The following AOAH variants were observed in gnomAD, a reference collection of about 807,000 sequenced individuals.
AOAH encodes the protein acyloxyacyl hydrolase (neutrophil).
AOAH carries 64 observed loss-of-function variants against 92.2 expected under a neutral mutation model. That is an observed-to-expected ratio of 0.69 (90% CI 0.57 to 0.86). The LOEUF (loss-of-function observed/expected upper bound fraction) is 0.86. AOAH is among the 40% of genes least tolerant of loss of function. The pLI is 0.00. For missense variants in AOAH, 656 were observed against 694.6 expected (o/e 0.94, Z 0.62); for synonymous variants, 263 against 254.5 (o/e 1.03, Z -0.32).
chr7:36,621,755 C>T lies in AOAH; in HGVS notation c.608G>A (p.Gly203Glu), dbSNP rs1416939696. ...FPTLRGYHWR[G>E]RDCNDSDESV... ...CTCGTCGCTGTCATTACAGTCTCTC[C>T]CCCGCCAGTGATAGCCCCGCAGTGT... The change falls in exon 8 of 21, where the codon GGG (glycine) becomes GAG (glutamate). Residue 203 changes from glycine to glutamate, a missense_variant. Coordinates refer to ENST00000617537, the MANE Select transcript of AOAH (RefSeq NM_001637.4). 4 of 1,614,124 alleles carry T rather than the reference C, an allele frequency of 2.5e-6. 1 individual carries two copies. The South Asian group carries it at 4.4e-5, about 18-fold the overall frequency.
At chr7:36,580,489 G>T (rs544474379) in intron 12 of AOAH, among the ~76,000 whole-genome samples, 8 of 152,032 alleles carry the variant, frequency 5.3e-5, no homozygotes, top group African/African-American at 1.9e-4. Flanking sequence ...TCTTTTTGAA[G>T]ATATTAATTT....
intron 13 of AOAH, among the ~76,000 whole-genome samples, chr7:36,570,040 T>C (rs1360568831): frequency 1.3e-5 from 2 of 152,254 alleles, no homozygotes; most frequent in Non-Finnish European, 2.9e-5. Context: ...AACTGTTCTC[T>C]TAATAGATTT....
intron 16 of AOAH, among the ~76,000 whole-genome samples, chr7:36,533,812 G>A (rs1421764588): frequency 1.3e-5 from 2 of 151,340 alleles, no homozygotes; most frequent in East Asian, 3.9e-4. Flanking sequence ...TGCTCTCCTG[G>A]CTTCGCTCTT....
At chr7:36,685,557 C>A (rs1796948197) in intron 2 of AOAH, among the ~76,000 whole-genome samples, 1 of 151,966 alleles carries the variant, frequency 6.6e-6, no homozygotes, top group African/African-American at 2.4e-5. Flanking sequence ...ACATTACTGG[C>A]AAAACAATAT....
chr7:36,723,942 A>G lies in AOAH; in HGVS notation c.127+80T>C, dbSNP rs1224093900. On this transcript the variant is annotated intron_variant, in intron 1 of 20. Coordinates refer to ENST00000617537, the MANE Select transcript of AOAH (RefSeq NM_001637.4). The stretch of plus-strand genomic sequence containing the variant: ...CTTACAATTCTTGATTTAATAAAAT[A>G]TGTGATTTATTACGCAAGCAAAGTA... The G allele has an allele frequency of 4.8e-6, 7 of 1,458,072 alleles. No homozygotes were observed. The Admixed American group carries it at 1.6e-4, about 33-fold the overall frequency. The allele number at this position is 1,458,072 out of a possible 1,614,324, so 90.3% of individuals were successfully genotyped here. A position where few individuals can be genotyped will look rare whatever the true frequency, so the allele number is the denominator to read the frequency against.
chr7:36,540,556 G>T, intron 15 of AOAH, 65 bp from the exon 16 acceptor site: 1 of 1,390,880 alleles, frequency 7.2e-7, no homozygotes, highest in Non-Finnish European at 1.0e-6. Flanking sequence ...CAAGTTGCAC[G>T]CAAATACAAG....
intron 11 of AOAH, among the ~76,000 whole-genome samples, chr7:36,610,214 T>C (rs1426843163): frequency 7.2e-6 from 1 of 139,118 alleles, no homozygotes; most frequent in East Asian, 2.2e-4. Context: ...AGGTGGGTGG[T>C]TTAGTAGATT....
At chr7:36,643,674 C>T (rs1017942921) in intron 4 of AOAH, among the ~76,000 whole-genome samples, 2 of 152,098 alleles carry the variant, frequency 1.3e-5, no homozygotes, top group African/African-American at 2.4e-5. Flanking sequence ...TGTCTCTGCC[C>T]GAATCTCATG....
intron 2 of AOAH, among the ~76,000 whole-genome samples, chr7:36,675,752 C>A (rs1796215041): frequency 6.6e-6 from 1 of 152,112 alleles, no homozygotes; most frequent in Non-Finnish European, 1.5e-5. Flanking sequence ...CAACAAAATA[C>A]TAGCAAATAA....
chr7:36,659,381 G>A, intron 3 of AOAH, 116 bp from the exon 4 acceptor site: 1 of 814,410 alleles, frequency 1.2e-6, no homozygotes, highest in Non-Finnish European at 2.0e-6. Context: ...TCAACTCCTT[G>A]CAGAGTGGCC....
chr7:36,533,531 C>T (rs1784823438), intron 16 of AOAH, among the ~76,000 whole-genome samples: 2 of 152,166 alleles, frequency 1.3e-5, no homozygotes, highest in Admixed American at 6.5e-5. Context: ...GTCTTCTGTA[C>T]AGGCTTCTGT....
intron 13 of AOAH, among the ~76,000 whole-genome samples, chr7:36,556,166 A>G (rs895094972): frequency 5.0e-4 from 76 of 151,984 alleles, no homozygotes; most frequent in Admixed American, 9.2e-4. Flanking sequence ...TGTGTCCCAG[A>G]GATTCTGGTA....
intron 11 of AOAH, among the ~76,000 whole-genome samples, chr7:36,612,576 ACAGATGTGAAATTTG>A (rs1345439912): frequency 6.6e-6 from 1 of 152,210 alleles, no homozygotes; most frequent in Non-Finnish European, 1.5e-5. Context: ...ATGTGAAATT[ACAGATGTGAAATTTG>A]CAGATGTGAA....
chr7:36,523,627 C>CTTTT (rs549876326), intron 19 of AOAH, among the ~76,000 whole-genome samples: 1 of 39,678 alleles, frequency 2.5e-5, no homozygotes, highest in African/African-American at 7.8e-5. Context: ...CCTGTTTTGC[C>CTTTT]TGTTTTTTTT....
At chr7:36,713,714 T>C (rs1167178328) in intron 1 of AOAH, among the ~76,000 whole-genome samples, 1 of 152,190 alleles carries the variant, frequency 6.6e-6, no homozygotes, top group Non-Finnish European at 1.5e-5. Context: ...AACAACCTGC[T>C]CCTGAATGAC....
chr7:36,680,959 C>T (rs1158840767), intron 2 of AOAH, among the ~76,000 whole-genome samples: 1 of 152,148 alleles, frequency 6.6e-6, no homozygotes, highest in African/African-American at 2.4e-5. Flanking sequence ...TAAGATGGTA[C>T]CTTGAACCAG....
intron 11 of AOAH, among the ~76,000 whole-genome samples, chr7:36,595,708 G>T (rs1790059225): frequency 6.6e-6 from 1 of 152,126 alleles, no homozygotes; most frequent in Non-Finnish European, 1.5e-5. Context: ...TGAGTATCTT[G>T]TATTTTATCT....
chr7:36,533,177 C>T (rs772647528), intron 16 of AOAH, among the ~76,000 whole-genome samples: 7 of 151,942 alleles, frequency 4.6e-5, no homozygotes, highest in Non-Finnish European at 8.8e-5. Flanking sequence ...ATATCCACCC[C>T]GCTGAAGCAA....
intron 14 of AOAH, 23 bp downstream of exon 14, chr7:36,549,416 A>G (rs959177708): frequency 1.3e-5 from 20 of 1,573,128 alleles, no homozygotes; most frequent in Non-Finnish European, 1.6e-5. Flanking sequence ...CAAATTAAAA[A>G]CAACTTCTTA....
Sources: allele counts gnomAD v4.1 joint callset (sites outside exome capture counted in the v4.1 genomes callset), GRCh38; gene constraint gnomAD v4.1.1; transcripts MANE v1.5; gene names NCBI Gene and HGNC (gene_info 2026-07-23, HGNC 2026-07-21).